SMARCD2: variants seen among roughly 807,000 people sequenced by gnomAD.
SMARCD2 encodes the protein SWI/SNF related BAF chromatin remodeling complex subunit D2, also known as SWI/SNF-related matrix-associated actin-dependent regulator of chromatin subfamily D member 2.
Under a neutral mutation model 70.4 loss-of-function variants are expected in SMARCD2, and 39 were observed. That is an observed-to-expected ratio of 0.55 (90% CI 0.43 to 0.72). The LOEUF (loss-of-function observed/expected upper bound fraction) is 0.72, where lower values mean the gene tolerates loss of function less well. Ranked by LOEUF, SMARCD2 falls within the 30% of genes least tolerant of loss-of-function variation. The pLI, the probability that SMARCD2 is intolerant of heterozygous loss-of-function variation, is 0.00. For missense variants in SMARCD2, 540 were observed against 713.4 expected (o/e 0.76, Z 2.77); for synonymous variants, 249 against 279.4 (o/e 0.89, Z 1.08).
chr17:63,835,215 TG>T (rs1193674602), intron 5 of SMARCD2, 196 bp downstream of exon 5: 2 of 577,864 alleles, frequency 3.5e-6, no homozygotes, highest in Admixed American at 6.5e-5. Context: ...CTCGACCTCC[TG>T]GGCTCAAGCC....
rs749258964 is a variant in SMARCD2 at position 63,833,320 on chromosome 17, C to T, written c.1418G>A (p.Arg473His). The T allele has an allele frequency of 2.9e-5, 46 of 1,613,864 alleles. No homozygotes were observed. Among genetic ancestry groups the T allele is most frequent in the African/African-American group, 4.0e-5 (3 of 74,910 alleles). ...DPQDFIQEWL[R>H]SQRRDLKIIT... is the part of the protein sequence containing the mutation. ...CACCTTGAGGTCTCGGCGCTGGGAACGGAGCCATTCCTGGATGAAGTCCTG... is the reference window on the plus strand; with the variant it reads ...CACCTTGAGGTCTCGGCGCTGGGAATGGAGCCATTCCTGGATGAAGTCCTG... Residue 473 changes from arginine to histidine, a missense_variant, in exon 11 of 13, where the codon CGT becomes CAT. By Grantham distance (29) the Arg-to-His change is conservative. Transcript: ENST00000448276. This position sits in a 1 kb window ranked among gnomAD's most constrained non-coding sequence, Gnocchi z 4.3.
intron 1 of SMARCD2, chr17:63,838,553 G>T: frequency 1.5e-6 from 2 of 1,356,346 alleles, no homozygotes; most frequent in Non-Finnish European, 1.9e-6. Flanking sequence ...AGGCTGAGCA[G>T]CAGGAAAGTG....
chr17:63,842,283 C>T (rs28463311), intron 1 of SMARCD2, 176 bp downstream of exon 1: 291,446 of 1,088,830 alleles, frequency 0.27, 40,185 homozygotes, highest in Middle Eastern at 0.29. Flanking sequence ...ACCTGCTTCC[C>T]CTTCCCACTT....
At position 63,834,728 on chromosome 17, in the gene SMARCD2, C is replaced by T. The variant is rs11558315; in HGVS notation, c.796G>A (p.Gly266Arg). The change falls in exon 6 of 13, where the codon GGG (glycine) becomes AGG (arginine). Residue 266 changes from glycine to arginine, a missense_variant. Physicochemically the swap from Gly to Arg is moderately radical, Grantham distance 125. Coordinates refer to ENST00000448276, the MANE Select transcript of SMARCD2 (RefSeq NM_001098426.2). The surrounding 1 kb of genome is among the most constrained non-coding windows in gnomAD (Gnocchi z 5.6). ...ACCTCCACCAGGTGATTGTCAGGCC[C>T]GTACAGCTCCTTGTCCAGCTCAATG... The part of the protein sequence containing the change: ...LVIELDKELY[G>R]PDNHLVEWHR... The T allele has an allele frequency of 3.7e-6, 6 of 1,613,468 alleles. No individual in the cohort carries two copies. Among genetic ancestry groups the T allele is most frequent in the African/African-American group, 1.3e-5 (1 of 75,028 alleles).
Position 63,832,223 on chromosome 17 carries a change from C to T in SMARCD2, c.*715G>A. 1.8e-6 allele frequency: 1 copy of T among 555,094 alleles called. No homozygotes were observed. The highest frequency in any genetic ancestry group is 3.2e-6 in the Non-Finnish European group (1 of 308,426). The allele number at this position is 555,094 out of a possible 1,614,324, so 34.4% of individuals were successfully genotyped here. On this transcript the variant is annotated 3_prime_UTR_variant, in exon 13 of 13. Coordinates refer to ENST00000448276, the MANE Select transcript of SMARCD2 (RefSeq NM_001098426.2). ...CCCATTCACCTTACCCTGGCCTCCA[C>T]ATGCACATACCCCATACCTCAGGCC... is the stretch of plus-strand genomic sequence containing the variant.
At chr17:63,836,311 C>A (rs2040264972) in intron 4 of SMARCD2, among the ~76,000 whole-genome samples, 1 of 151,840 alleles carries the variant, frequency 6.6e-6, no homozygotes, top group South Asian at 2.1e-4. Flanking sequence ...GAGTTCGAGA[C>A]CAGCCTGGGT....
At chr17:63,840,867 C>G (rs1221574649) in intron 1 of SMARCD2, among the ~76,000 whole-genome samples, 1 of 152,244 alleles carries the variant, frequency 6.6e-6, no homozygotes, top group African/African-American at 2.4e-5. Flanking sequence ...GCAGCCCAGG[C>G]CTAACCAGCC....
chr17:63,832,404 C>A lies in SMARCD2; in HGVS notation c.*534G>T. 1 of 210,176 alleles carries A rather than the reference C, an allele frequency of 4.8e-6. No individual in the cohort carries two copies. The highest frequency in any genetic ancestry group is 5.2e-5 in the Admixed American group (1 of 19,154). 13.0% of individuals were successfully genotyped at this position (210,176 alleles called of 1,614,324 possible). On this transcript the variant is annotated 3_prime_UTR_variant, in exon 13 of 13. Coordinates refer to ENST00000448276, the MANE Select transcript of SMARCD2 (RefSeq NM_001098426.2). ...AGGCTCCCTGAAAACCCCCAACTTA[C>A]CCCTGTACAAAAAAAGTGGCTCCCA...
intron 1 of SMARCD2, among the ~76,000 whole-genome samples, chr17:63,841,725 G>A (rs1179692292): frequency 1.3e-5 from 2 of 152,240 alleles, no homozygotes; most frequent in Admixed American, 1.3e-4. Context: ...GACCAGCAGG[G>A]CTCCACTCTG....
At chr17:63,841,217 T>C (rs1904448775) in intron 1 of SMARCD2, among the ~76,000 whole-genome samples, 1 of 152,186 alleles carries the variant, frequency 6.6e-6, no homozygotes, top group African/African-American at 2.4e-5. Context: ...CAGACTCTCT[T>C]TTCTCTTGAG....
intron 5 of SMARCD2, chr17:63,835,077 C>A (rs968792999): frequency 9.4e-6 from 5 of 534,308 alleles, no homozygotes; most frequent in African/African-American, 7.6e-5. Flanking sequence ...TGGAGCAGCG[C>A]CCCCCTCCCT....
intron 1 of SMARCD2, chr17:63,839,282 G>A (rs1904344207): frequency 6.1e-6 from 6 of 979,388 alleles, no homozygotes; most frequent in Non-Finnish European, 7.3e-6. Context: ...CTGCAGAGGT[G>A]AGCGAGGGCC....
At position 63,832,837 on chromosome 17, in the gene SMARCD2, A is replaced by G. The variant is rs1326344688; in HGVS notation, c.*101T>C. The stretch of plus-strand genomic sequence containing the variant: ...AAGCTGGAGAGTAGAGGGTGACAGC[A>G]GACACTCCTCACCCCAGCCTACGTG... On this transcript the variant is annotated 3_prime_UTR_variant, in exon 13 of 13. Coordinates refer to ENST00000448276, the MANE Select transcript of SMARCD2 (RefSeq NM_001098426.2). The G allele has an allele frequency of 2.1e-6, 2 of 930,264 alleles. No individual in the cohort carries two copies. Among genetic ancestry groups the G allele is most frequent in the Non-Finnish European group, 1.7e-6 (1 of 583,032 alleles). 57.6% of individuals were successfully genotyped at this position (930,264 alleles called of 1,614,324 possible).
At chr17:63,840,914 C>T (rs1904435237) in intron 1 of SMARCD2, among the ~76,000 whole-genome samples, 1 of 152,242 alleles carries the variant, frequency 6.6e-6, no homozygotes, top group Admixed American at 6.5e-5. Flanking sequence ...AAGGCCACCC[C>T]CCACCAAAAC....
At position 63,834,610 on chromosome 17, in the gene SMARCD2, G is replaced by C; in HGVS notation, c.820-35C>G. ...AGGGAAGCATGGCTTATCACCAAGG[G>C]GGTGGGCGTGAACACAGGGCCTCCC... is the stretch of plus-strand genomic sequence containing the variant. On this transcript the variant is annotated intron_variant, in intron 6 of 12. Coordinates refer to ENST00000448276, the MANE Select transcript of SMARCD2 (RefSeq NM_001098426.2). This position sits in a 1 kb window ranked among gnomAD's most constrained non-coding sequence, Gnocchi z 5.6. 6.3e-7 allele frequency: 1 copy of C among 1,576,032 alleles called. No homozygotes were observed. The highest frequency in any genetic ancestry group is 8.7e-7 in the Non-Finnish European group (1 of 1,148,190).
chr17:63,835,114 A>G (rs963072293), intron 5 of SMARCD2: 2 of 532,256 alleles, frequency 3.8e-6, no homozygotes, highest in African/African-American at 1.9e-5. Context: ...GGGAGCGCCC[A>G]AGTGTCTGGC....
chr17:63,833,807 A>G lies in SMARCD2; in HGVS notation c.1182-85T>C, dbSNP rs930668039. 33 of 1,583,018 alleles carry G rather than the reference A, an allele frequency of 2.1e-5. No individual in the cohort carries two copies. Among genetic ancestry groups the G allele is most frequent in the Non-Finnish European group, 2.9e-5 (33 of 1,153,912 alleles). The stretch of plus-strand genomic sequence containing the variant: ...CAAATCTGGGGCCCATTCTCTGCAC[A>G]CACTCAGGGAAAAAGAAACCTGATG... On this transcript the variant is annotated intron_variant, in intron 9 of 12. Coordinates refer to ENST00000448276, the MANE Select transcript of SMARCD2 (RefSeq NM_001098426.2). This position sits in a 1 kb window ranked among gnomAD's most constrained non-coding sequence, Gnocchi z 4.3.
At position 63,837,345 on chromosome 17, in the gene SMARCD2, G is replaced by A. The variant is rs2144634092; in HGVS notation, c.401+96C>T. The A allele has an allele frequency of 6.6e-7, 1 of 1,514,858 alleles. No homozygotes were observed. The highest frequency in any genetic ancestry group is 1.7e-5 in the Admixed American group (1 of 59,496). The allele number at this position is 1,514,858 out of a possible 1,614,324, so 93.8% of individuals were successfully genotyped here. A position where few individuals can be genotyped will look rare whatever the true frequency, so the allele number is the denominator to read the frequency against. ...ACCCTCTCCCCCAGGAGAGCCTGGA[G>A]TCATCCTCAGTCACCAAAGCTCTTA... On this transcript the variant is annotated intron_variant, in intron 2 of 12. Coordinates refer to ENST00000448276, the MANE Select transcript of SMARCD2 (RefSeq NM_001098426.2). This position sits in a 1 kb window ranked among gnomAD's most constrained non-coding sequence, Gnocchi z 6.4.
At chr17:63,835,257 G>C in intron 5 of SMARCD2, 155 bp downstream of exon 5, 2 of 682,432 alleles carry the variant, frequency 2.9e-6, no homozygotes, top group Non-Finnish European at 4.8e-6. Context: ...TGAGTAGCTG[G>C]GACTACAGGT....
Sources: allele counts gnomAD v4.1 joint callset (sites outside exome capture counted in the v4.1 genomes callset), GRCh38; gene constraint gnomAD v4.1.1; non-coding constraint Gnocchi (gnomAD v3.1); transcripts MANE v1.5; gene names NCBI Gene and HGNC (gene_info 2026-07-23, HGNC 2026-07-21).